The following SLC35E2B variants were observed in gnomAD, a reference collection of about 807,000 sequenced individuals.
SLC35E2B encodes the protein solute carrier family 35, member E2B.
SLC35E2B carries 18 observed loss-of-function variants against 32.4 expected under a neutral mutation model. The observed-to-expected ratio is 0.56, with a 90% confidence interval of 0.38 to 0.82. The LOEUF (loss-of-function observed/expected upper bound fraction) is 0.82, where lower values mean the gene tolerates loss of function less well. SLC35E2B is among the 40% of genes least tolerant of loss of function. The probability of loss-of-function intolerance (pLI) is 0.00; values close to 1 mark genes in which losing one functional copy is unlikely to be tolerated. For missense variants in SLC35E2B, 263 were observed against 469.5 expected (o/e 0.56, Z 4.06); for synonymous variants, 132 against 209.1 (o/e 0.63, Z 3.18).
At chr1:1,669,406 A>C (rs1179520031) in intron 8 of SLC35E2B, among the ~76,000 whole-genome samples, 1 of 152,176 alleles carries the variant, frequency 6.6e-6, no homozygotes, top group Non-Finnish European at 1.5e-5. Context: ...AATTAAGCTA[A>C]CCTAAAAGTC....
chr1:1,678,131 A>C (rs970837475), intron 2 of SLC35E2B, among the ~76,000 whole-genome samples: 14 of 152,076 alleles, frequency 9.2e-5, no homozygotes, highest in South Asian at 2.1e-4. Flanking sequence ...TGCCCGACCC[A>C]GTACCCCTCC....
At chr1:1,671,173 C>A (rs928785612) in intron 6 of SLC35E2B, 27 of 171,246 alleles carry the variant, frequency 1.6e-4, no homozygotes, top group African/African-American at 6.2e-4. Flanking sequence ...CAGAACCTGC[C>A]GCTGGGGGAC....
intron 2 of SLC35E2B, among the ~76,000 whole-genome samples, chr1:1,682,528 CAG>C (rs913163764): frequency 6.6e-6 from 1 of 152,124 alleles, no homozygotes. Context: ...GAATCACAGA[CAG>C]AAACGCACGA....
chr1:1,670,054 C>G, intron 7 of SLC35E2B, 44 bp downstream of exon 7: 1 of 1,491,470 alleles, frequency 6.7e-7, no homozygotes, highest in African/African-American at 1.4e-5. Flanking sequence ...AGGAAGTCCT[C>G]TTCGTCTTAT....
Position 1,665,065 on chromosome 1 carries a change from G to T in SLC35E2B, c.*717C>A. ...CCTGGGGTTGCGGGGAGCTCACGCA[G>T]CCCAGGGTGTGGAAGGGATAGGAGG... On this transcript the variant is annotated 3_prime_UTR_variant, in exon 10 of 10. Transcript: ENST00000617444. 3 of 628,932 alleles carry T rather than the reference G, an allele frequency of 4.8e-6. No individual in the cohort carries two copies. Among genetic ancestry groups the T allele is most frequent in the Non-Finnish European group, 6.0e-6 (3 of 503,636 alleles). The allele number at this position is 628,932 out of a possible 1,614,324, so 39.0% of individuals were successfully genotyped here.
chr1:1,677,626 C>T (rs1001941146), intron 2 of SLC35E2B, among the ~76,000 whole-genome samples: 42 of 151,760 alleles, frequency 2.8e-4, no homozygotes, highest in Non-Finnish European at 5.0e-4. Flanking sequence ...GACAGGCGTC[C>T]GCCACCACGT....
chr1:1,687,527 C>G (rs1278149636), intron 2 of SLC35E2B, among the ~76,000 whole-genome samples: 1 of 152,062 alleles, frequency 6.6e-6, no homozygotes, highest in Non-Finnish European at 1.5e-5. Context: ...ATCATGAGGT[C>G]AGGAGACCAG....
rs770644820 is a variant in SLC35E2B at position 1,668,408 on chromosome 1, A to G, written c.899T>C (p.Leu300Pro). 6.2e-7 allele frequency: 1 copy of G among 1,613,446 alleles called. No homozygotes were observed. Among genetic ancestry groups the G allele is most frequent in the Non-Finnish European group, 8.5e-7 (1 of 1,179,852 alleles). ...FSYNQDVVLL[L>P]LTDGVLFHLQ... is the part of the protein sequence containing the mutation. Reference sequence around the variant, plus strand: ...GTGGAACAGGACTCCGTCTGTCAGAAGCAGCAGCACCACGTCCTGGTTGTA... The same window carrying G: ...GTGGAACAGGACTCCGTCTGTCAGAGGCAGCAGCACCACGTCCTGGTTGTA... Residue 300 changes from leucine to proline, a missense_variant, in exon 9 of 10, where the codon CTT becomes CCT. Physicochemically the swap from Leu to Pro is moderately conservative, Grantham distance 98 (BLOSUM62 -3). Coordinates refer to ENST00000617444, the MANE Select transcript of SLC35E2B (RefSeq NM_001290264.2).
At chr1:1,671,261 G>T in intron 6 of SLC35E2B, 1 of 345,502 alleles carries the variant, frequency 2.9e-6, no homozygotes, top group Non-Finnish European at 5.2e-6. Flanking sequence ...TTCAGCATTT[G>T]TCAGCTAACC....
At chr1:1,689,583 T>G (rs1643995466) in intron 2 of SLC35E2B, among the ~76,000 whole-genome samples, 1 of 151,580 alleles carries the variant, frequency 6.6e-6, no homozygotes, top group Admixed American at 6.6e-5. Flanking sequence ...CCTGACCCTT[T>G]TTGGGGTAGG....
At chr1:1,689,145 C>A (rs1051251539) in intron 2 of SLC35E2B, among the ~76,000 whole-genome samples, 1 of 152,060 alleles carries the variant, frequency 6.6e-6, no homozygotes. Context: ...ACACTCCAAC[C>A]TGGCTGACAG....
At position 1,663,252 on chromosome 1, in the gene SLC35E2B, G is replaced by A. The variant is rs1643452422; in HGVS notation, c.*2530C>T. On this transcript the variant is annotated 3_prime_UTR_variant, in exon 10 of 10. Transcript: ENST00000617444. The stretch of plus-strand genomic sequence containing the variant: ...AACAGAAAATCCAAACAGGATGGCA[G>A]CTCCTTGTGAGGGTGGAGGGGAGGG... The A allele has an allele frequency of 2.0e-6, 2 of 978,882 alleles. No individual in the cohort carries two copies. The highest frequency in any genetic ancestry group is 9.5e-5 in the South Asian group (2 of 21,110). 60.6% of individuals were successfully genotyped at this position (978,882 alleles called of 1,614,324 possible). A position where few individuals can be genotyped will look rare whatever the true frequency, so the allele number is the denominator to read the frequency against.
At chr1:1,688,165 G>C (rs1179256405) in intron 2 of SLC35E2B, among the ~76,000 whole-genome samples, 1 of 152,064 alleles carries the variant, frequency 6.6e-6, no homozygotes, top group African/African-American at 2.4e-5. Flanking sequence ...GCTGATGAAC[G>C]AATGGCAAAG....
intron 9 of SLC35E2B, among the ~76,000 whole-genome samples, chr1:1,667,329 C>T (rs1643573024): frequency 6.6e-6 from 1 of 151,940 alleles, no homozygotes. Flanking sequence ...AGGAGAATGG[C>T]GTGAACCCGG....
intron 2 of SLC35E2B, among the ~76,000 whole-genome samples, chr1:1,682,902 C>A (rs143800998): frequency 1.3e-5 from 2 of 151,882 alleles, no homozygotes; most frequent in African/African-American, 4.8e-5. Context: ...CAAGGTGAAA[C>A]CCCGTCTCTA....
chr1:1,673,409 C>T (rs943737079), intron 5 of SLC35E2B: 10 of 372,928 alleles, frequency 2.7e-5, no homozygotes, highest in African/African-American at 2.1e-4. Flanking sequence ...GCAGCTCACG[C>T]CTGGAATCCC....
intron 9 of SLC35E2B, among the ~76,000 whole-genome samples, chr1:1,666,559 C>T (rs1023395399): frequency 6.6e-6 from 1 of 152,180 alleles, no homozygotes; most frequent in Non-Finnish European, 1.5e-5. Context: ...GGTATCATGA[C>T]ATCTCACCCC....
chr1:1,671,485 A>G, intron 6 of SLC35E2B, 24 bp downstream of exon 6: 2 of 1,454,974 alleles, frequency 1.4e-6, no homozygotes, highest in Non-Finnish European at 9.2e-7. Flanking sequence ...CGTCCCCCTC[A>G]CGCCCACCTT....
chr1:1,669,556 G>A (rs1643630473), intron 8 of SLC35E2B, 108 bp downstream of exon 8: 4 of 1,201,818 alleles, frequency 3.3e-6, no homozygotes, highest in Non-Finnish European at 4.6e-6. Context: ...AGCGGAGCTG[G>A]GCCCAACCAG....
Sources: allele counts gnomAD v4.1 joint callset (sites outside exome capture counted in the v4.1 genomes callset), GRCh38; gene constraint gnomAD v4.1.1; transcripts MANE v1.5; gene names NCBI Gene and HGNC (gene_info 2026-07-23, HGNC 2026-07-21).